PALLD: variants seen among roughly 807,000 people sequenced by gnomAD.
PALLD encodes the protein palladin.
In PALLD, 61 loss-of-function variants were observed where a neutral mutation model predicts 123.5. The observed-to-expected ratio is 0.49, with a 90% CI of 0.40 to 0.61. PALLD has a LOEUF of 0.61. Among genes scored for constraint, PALLD ranks in the 20% least tolerant of loss-of-function variants. The probability of loss-of-function intolerance (pLI) is 0.00; values close to 1 mark genes in which losing one functional copy is unlikely to be tolerated. For synonymous variants in PALLD, 465 were observed against 496.4 expected, an observed-to-expected ratio of 0.94 and a Z score of 0.84; for missense variants, 1,273 against 1,377.0, an observed-to-expected ratio of 0.92 and a Z score of 1.20.
chr4:168,871,866 T>C (rs1009464708), intron 10 of PALLD, among the ~76,000 whole-genome samples: 65 of 152,208 alleles, frequency 4.3e-4, no homozygotes, highest in Non-Finnish European at 7.8e-4. Context: ...AATCCTGCTC[T>C]TCTGGTGGGG....
chr4:168,520,355 G>GAGAGAGAA (rs1763439738), intron 2 of PALLD, among the ~76,000 whole-genome samples: 1 of 146,702 alleles, frequency 6.8e-6, no homozygotes, highest in East Asian at 2.0e-4. Context: ...AAAAGAGAGA[G>GAGAGAGAA]AGAGAATGGC....
chr4:168,817,318 T>C (rs1295343209), intron 10 of PALLD, among the ~76,000 whole-genome samples: 1 of 152,236 alleles, frequency 6.6e-6, no homozygotes, highest in Admixed American at 6.5e-5. Flanking sequence ...ATGAAACTTT[T>C]AGCCCAAGAT....
At chr4:168,509,796 A>G (rs556914511) in intron 1 of PALLD, among the ~76,000 whole-genome samples, 2 of 152,350 alleles carry the variant, frequency 1.3e-5, no homozygotes, top group African/African-American at 4.8e-5. Context: ...ACTTAAGAAG[A>G]TGGGGTATGT....
intron 10 of PALLD, among the ~76,000 whole-genome samples, chr4:168,723,121 A>G (rs1436228508): frequency 2.0e-5 from 3 of 152,246 alleles, no homozygotes; most frequent in Admixed American, 6.5e-5. Context: ...GGAAGTGGTC[A>G]GGGAACCATG....
Position 168,926,479 on chromosome 4 carries a change from T to A in PALLD, c.*299T>A. The A allele has an allele frequency of 1.2e-6, 1 of 810,534 alleles. No individual in the cohort carries two copies. The highest frequency in any genetic ancestry group is 1.8e-6 in the Non-Finnish European group (1 of 547,070). The allele number at this position is 810,534 out of a possible 1,614,324, so 50.2% of individuals were successfully genotyped here. ...ATTATGTAAAAGGCAGAAACATACC[T>A]TTGACTATAAGAAATTAAAAAAAAA... On this transcript the variant is annotated 3_prime_UTR_variant, in exon 22 of 22. Transcript: ENST00000505667.
chr4:168,567,542 G>GGTGTGTGTGTGT (rs61409598), intron 2 of PALLD, among the ~76,000 whole-genome samples: 5,467 of 145,494 alleles, frequency 0.038, 158 homozygotes, highest in South Asian at 0.1. Context: ...AAGAAAATGT[G>GGTGTGTGTGTGT]GTGTGTGTGT....
chr4:168,712,196 G>A lies in PALLD; in HGVS notation c.1964+273G>A, dbSNP rs141374496. ...GCCCAGTGTGGGCTTCCAACATACA[G>A]CTAAGGATGTAGCCACTCCCTGGAG... On this transcript the variant is annotated intron_variant, in intron 10 of 21. Coordinates refer to ENST00000505667, the MANE Select transcript of PALLD (RefSeq NM_001166108.2). The A allele has an allele frequency of 3.2e-3, 1,731 of 536,368 alleles. 8 individuals carry two copies. Among genetic ancestry groups the A allele is most frequent in the African/African-American group, 0.011 (586 of 52,682 alleles). 33.2% of individuals were successfully genotyped at this position (536,368 alleles called of 1,614,324 possible).
chr4:168,677,269 G>A (rs1185609237), intron 3 of PALLD, among the ~76,000 whole-genome samples: 2 of 151,908 alleles, frequency 1.3e-5, no homozygotes, highest in Non-Finnish European at 2.9e-5. Flanking sequence ...CTGAGGGGAA[G>A]GCAGGGAACT....
At chr4:168,554,113 T>C (rs17707180) in intron 2 of PALLD, among the ~76,000 whole-genome samples, 20,787 of 152,198 alleles carry the variant, frequency 0.14, 1,644 homozygotes, top group East Asian at 0.27. Context: ...CCGGACATCC[T>C]TCGGCTTGTA....
chr4:168,750,347 G>A (rs1338773227), intron 10 of PALLD, among the ~76,000 whole-genome samples: 1 of 152,170 alleles, frequency 6.6e-6, no homozygotes, highest in Non-Finnish European at 1.5e-5. Context: ...TTGCTGCAAA[G>A]GATAAAATTT....
At chr4:168,785,846 GATATATATATATATATAT>G (rs6148775) in intron 10 of PALLD, among the ~76,000 whole-genome samples, 11 of 80,918 alleles carry the variant, frequency 1.4e-4, no homozygotes, top group South Asian at 8.6e-4. Flanking sequence ...AAACTGTAGA[GATATATATATATATATAT>G]ATATATATAT....
At chr4:168,778,798 G>T (rs1382166709) in intron 10 of PALLD, among the ~76,000 whole-genome samples, 2 of 152,198 alleles carry the variant, frequency 1.3e-5, no homozygotes, top group Non-Finnish European at 2.9e-5. Flanking sequence ...GCCAGCATTT[G>T]AACCCAAGCA....
chr4:168,877,800 C>G (rs996901823), intron 10 of PALLD: 6 of 1,238,890 alleles, frequency 4.8e-6, no homozygotes, highest in Non-Finnish European at 6.0e-6. Flanking sequence ...CCTCCGCCAG[C>G]CCCGCGCAGC....
intron 2 of PALLD, among the ~76,000 whole-genome samples, chr4:168,645,686 T>C (rs934759593): frequency 3.3e-5 from 5 of 152,212 alleles, no homozygotes; most frequent in African/African-American, 1.2e-4. Flanking sequence ...TGAACACTTA[T>C]TCGATGTTAG....
At chr4:168,611,309 G>T (rs1323556887) in intron 2 of PALLD, among the ~76,000 whole-genome samples, 2 of 152,172 alleles carry the variant, frequency 1.3e-5, no homozygotes, top group Non-Finnish European at 2.9e-5. Flanking sequence ...CCACCAGTTT[G>T]CGGTGAAGTC....
chr4:168,578,073 G>A (rs1462076511), intron 2 of PALLD, among the ~76,000 whole-genome samples: 1 of 152,064 alleles, frequency 6.6e-6, no homozygotes, highest in Non-Finnish European at 1.5e-5. Context: ...AGGCAAAGTA[G>A]CCTAGAATAT....
At position 168,878,337 on chromosome 4, in the gene PALLD, C is replaced by T; in HGVS notation, c.1965-12585C>T. 1.3e-6 allele frequency: 2 copies of T among 1,521,630 alleles called. No homozygotes were observed. Among genetic ancestry groups the T allele is most frequent in the Admixed American group, 2.0e-5 (1 of 49,976 alleles). 94.3% of individuals were successfully genotyped at this position (1,521,630 alleles called of 1,614,324 possible). On this transcript the variant is annotated intron_variant, in intron 10 of 21. Coordinates refer to ENST00000505667, the MANE Select transcript of PALLD (RefSeq NM_001166108.2). ...GCCTTCCTCAGCGCTCTGCTGCCCT[C>T]GCAGCCGCCGCCGGCGGCCGTCAAC...
At chr4:168,600,184 T>C (rs1358996727) in intron 2 of PALLD, among the ~76,000 whole-genome samples, 2 of 152,148 alleles carry the variant, frequency 1.3e-5, no homozygotes, top group African/African-American at 4.8e-5. Flanking sequence ...TATACATATA[T>C]AAACGGTGTG....
At chr4:168,503,685 C>A (rs1761683559) in intron 1 of PALLD, among the ~76,000 whole-genome samples, 1 of 151,422 alleles carries the variant, frequency 6.6e-6, no homozygotes, top group African/African-American at 2.4e-5. Flanking sequence ...AGAAAGGAAG[C>A]ACATTTTAAG....
Sources: gnomAD v4.1 joint callset for allele counts (sites outside exome capture counted in the v4.1 genomes callset) on GRCh38, gnomAD v4.1.1 for gene constraint, MANE v1.5 for transcripts, NCBI Gene and HGNC (gene_info 2026-07-23, HGNC 2026-07-21) for gene names.